The following PRPF39 variants were observed in gnomAD, a reference collection of about 807,000 sequenced individuals.
PRPF39 encodes pre-mRNA-processing factor 39.
Under a neutral mutation model 82.1 loss-of-function variants are expected in PRPF39, and 27 were observed. The ratio of observed to expected loss-of-function variants is 0.33; its 90% CI spans 0.24 to 0.45. The LOEUF is 0.45. PRPF39 is among the 20% of genes least tolerant of loss of function. The probability of loss-of-function intolerance (pLI) is 1.00; values close to 1 mark genes in which losing one functional copy is unlikely to be tolerated. For missense variants in PRPF39, 581 were observed against 796.9 expected, an observed-to-expected ratio of 0.73 and a Z score of 3.26; for synonymous variants, 261 against 256.4, an observed-to-expected ratio of 1.02 and a Z score of -0.17.
intron 5 of PRPF39, among the ~76,000 whole-genome samples, chr14:45,103,182 T>G (rs1455052143): frequency 6.6e-6 from 1 of 152,154 alleles, no homozygotes; most frequent in East Asian, 1.9e-4. Context: ...TTTCAAACAC[T>G]CAGGTATCAT....
At chr14:45,091,075 A>G (rs983059389) in intron 1 of PRPF39, among the ~76,000 whole-genome samples, 4 of 151,566 alleles carry the variant, frequency 2.6e-5, no homozygotes, top group African/African-American at 9.7e-5. Flanking sequence ...CTTGTTTTTA[A>G]TAGAATCTTG....
chr14:45,097,701 A>G (rs1594728240), intron 4 of PRPF39, among the ~76,000 whole-genome samples: 1 of 152,088 alleles, frequency 6.6e-6, no homozygotes, highest in East Asian at 1.9e-4. Context: ...CCATGTTCTC[A>G]TATGCTTATA....
Position 45,114,842 on chromosome 14 carries a change from A to C in PRPF39, c.1954-15A>C. Reference sequence around the variant, plus strand: ...ACAGTTCTAATATGCTAACATACTTACTTTTTCCTTTCAGTACAATTATCA... The same window carrying C: ...ACAGTTCTAATATGCTAACATACTTCCTTTTTCCTTTCAGTACAATTATCA... On this transcript the variant is annotated splice_polypyrimidine_tract_variant and intron_variant, in intron 13 of 13. Coordinates refer to ENST00000355765, the MANE Select transcript of PRPF39 (RefSeq NM_017922.4). 6.3e-7 allele frequency: 1 copy of C among 1,578,442 alleles called. No individual in the cohort carries two copies. Among genetic ancestry groups the C allele is most frequent in the Non-Finnish European group, 8.7e-7 (1 of 1,148,342 alleles).
At position 45,115,643 on chromosome 14, in the gene PRPF39, A is replaced by T. The variant is rs1270515330; in HGVS notation, c.*730A>T. ...TTTGGGGGGATCAATTAGTAATATT[A>T]ACCTTATGTTCACCTTTATTAGTGG... is the stretch of plus-strand genomic sequence containing the variant. On this transcript the variant is annotated 3_prime_UTR_variant, in exon 14 of 14. Transcript: ENST00000355765. 6.6e-6 allele frequency: 1 copy of T among 152,636 alleles called. No individual in the cohort carries two copies. Among genetic ancestry groups the T allele is most frequent in the Non-Finnish European group, 1.5e-5 (1 of 68,058 alleles). 9.5% of individuals were successfully genotyped at this position (152,636 alleles called of 1,614,324 possible).
At chr14:45,097,474 A>G (rs956907879) in intron 4 of PRPF39, among the ~76,000 whole-genome samples, 2 of 152,182 alleles carry the variant, frequency 1.3e-5, no homozygotes, top group African/African-American at 4.8e-5. Context: ...TGTACAAGTC[A>G]ATATTTTTTG....
chr14:45,087,889 A>G (rs1221542008), intron 1 of PRPF39, among the ~76,000 whole-genome samples: 1 of 151,970 alleles, frequency 6.6e-6, no homozygotes, highest in Non-Finnish European at 1.5e-5. Context: ...GCCCGGCCTC[A>G]TAAGTGTTCT....
Position 45,110,364 on chromosome 14 carries a change from C to A in PRPF39, c.1303+144C>A. On this transcript the variant is annotated intron_variant, in intron 9 of 13. Coordinates refer to ENST00000355765, the MANE Select transcript of PRPF39 (RefSeq NM_017922.4). This position sits in a 1 kb window ranked among gnomAD's most constrained non-coding sequence, Gnocchi z 4.0. Reference sequence around the variant, plus strand: ...GGCCAGATAGTAAAAGCCACGTGTTCTGACTTTCAGGCTTTGTAAGCCATT... The same window carrying A: ...GGCCAGATAGTAAAAGCCACGTGTTATGACTTTCAGGCTTTGTAAGCCATT... The A allele has an allele frequency of 7.6e-7, 1 of 1,317,044 alleles. No homozygotes were observed. Among genetic ancestry groups the A allele is most frequent in the Non-Finnish European group, 1.0e-6 (1 of 973,322 alleles). The allele number at this position is 1,317,044 out of a possible 1,614,324, so 81.6% of individuals were successfully genotyped here.
At chr14:45,111,062 T>C (rs1253751673) in intron 10 of PRPF39, 2 of 444,956 alleles carry the variant, frequency 4.5e-6, no homozygotes, top group African/African-American at 3.9e-5. Flanking sequence ...TACTTTATAT[T>C]TTCCCTTTAG....
rs1171607453 is a variant in PRPF39 at position 45,095,215 on chromosome 14, C to T, written c.-19-6C>T. 1.3e-6 allele frequency: 2 copies of T among 1,507,036 alleles called. No individual in the cohort carries two copies. Among genetic ancestry groups the T allele is most frequent in the Non-Finnish European group, 1.8e-6 (2 of 1,107,200 alleles). 93.4% of individuals were successfully genotyped at this position (1,507,036 alleles called of 1,614,324 possible). A position where few individuals can be genotyped will look rare whatever the true frequency, so the allele number is the denominator to read the frequency against. ...AGATATTTCTCTTTTTTTCGTGTTT[C>T]CACAGATCGTTAACTGAAGACAATA... On this transcript the variant is annotated splice_region_variant and splice_polypyrimidine_tract_variant and intron_variant, in intron 1 of 13. Transcript: ENST00000355765.
At chr14:45,089,900 C>T (rs1883966888) in intron 1 of PRPF39, among the ~76,000 whole-genome samples, 1 of 152,156 alleles carries the variant, frequency 6.6e-6, no homozygotes, top group Non-Finnish European at 1.5e-5. Flanking sequence ...TCAAAATGAT[C>T]TCTATAAGCA....
At chr14:45,111,415 A>G (rs1594736973) in intron 10 of PRPF39, among the ~76,000 whole-genome samples, 1 of 151,708 alleles carries the variant, frequency 6.6e-6, no homozygotes, top group Non-Finnish European at 1.5e-5. Context: ...GCTCACTTCA[A>G]CCTCTGCCTC....
intron 5 of PRPF39, among the ~76,000 whole-genome samples, chr14:45,105,747 A>G (rs1043920614): frequency 1.3e-5 from 2 of 151,816 alleles, no homozygotes; most frequent in African/African-American, 4.8e-5. Flanking sequence ...GCTGGTCTCA[A>G]ACTCCTGACC....
chr14:45,114,739 AG>A, intron 13 of PRPF39, 117 bp from the exon 14 acceptor site: 1 of 1,396,682 alleles, frequency 7.2e-7, no homozygotes, highest in Non-Finnish European at 9.8e-7. Flanking sequence ...GTTAAGTACT[AG>A]AATTTTAGCA....
At position 45,109,765 on chromosome 14, in the gene PRPF39, G is replaced by A. The variant is rs562635632; in HGVS notation, c.1161G>A (p.Glu387=). Residue 387 remains glutamate (E), a synonymous_variant, in exon 8 of 14, where the codon GAG becomes GAA. Transcript: ENST00000355765. ...GTGTCATATCATGTGCCCTCTATGA[G>A]GAGTTTTGGATTAAGGTAAGAAAAT... The part of the protein sequence containing the change: ...ERCVISCALY[E]EFWIKYAKYM... 2 of 1,602,934 alleles carry A rather than the reference G, an allele frequency of 1.2e-6. No homozygotes were observed. Among genetic ancestry groups the A allele is most frequent in the Non-Finnish European group, 1.7e-6 (2 of 1,174,774 alleles).
chr14:45,110,432 C>A lies in PRPF39; in HGVS notation c.1304-117C>A. The A allele has an allele frequency of 8.1e-7, 1 of 1,237,568 alleles. No individual in the cohort carries two copies. The highest frequency in any genetic ancestry group is 1.1e-6 in the Non-Finnish European group (1 of 898,586). 76.7% of individuals were successfully genotyped at this position (1,237,568 alleles called of 1,614,324 possible). On this transcript the variant is annotated intron_variant, in intron 9 of 13. Transcript: ENST00000355765. The surrounding 1 kb of genome is among the most constrained non-coding windows in gnomAD (Gnocchi z 4.0). ...ATAGGCAGTGTGTAAATATGCATGG[C>A]TGTTTCCCATTATTAGTTGCTGGAT...
Position 45,108,410 on chromosome 14 carries a change from C to A in PRPF39, c.904-5C>A. On this transcript the variant is annotated splice_region_variant and splice_polypyrimidine_tract_variant and intron_variant, in intron 6 of 13. Transcript: ENST00000355765. ...GATTTATTTTTTTCCCTTTTTCTTC[C>A]CAAGCTAATTACAGAAATAGAAAAC... 6.4e-7 allele frequency: 1 copy of A among 1,559,924 alleles called. No individual in the cohort carries two copies. Among genetic ancestry groups the A allele is most frequent in the Non-Finnish European group, 8.6e-7 (1 of 1,161,376 alleles).
intron 5 of PRPF39, among the ~76,000 whole-genome samples, chr14:45,104,678 T>C (rs924456815): frequency 6.6e-6 from 1 of 152,206 alleles, no homozygotes; most frequent in South Asian, 2.1e-4. Flanking sequence ...TACCATTGGA[T>C]GTACCCTGCA....
intron 5 of PRPF39, among the ~76,000 whole-genome samples, chr14:45,106,610 T>C (rs1884541324): frequency 6.6e-6 from 1 of 152,236 alleles, no homozygotes; most frequent in African/African-American, 2.4e-5. Context: ...CATTTCTTTG[T>C]GCAGAGTATT....
intron 4 of PRPF39, among the ~76,000 whole-genome samples, chr14:45,098,457 A>T (rs1566693641): frequency 6.6e-6 from 1 of 151,266 alleles, no homozygotes; most frequent in African/African-American, 2.4e-5. Context: ...AAAAAAAAAA[A>T]AAAAAGAGAG....
Sources: gnomAD v4.1 joint callset for allele counts (sites outside exome capture counted in the v4.1 genomes callset) on GRCh38, gnomAD v4.1.1 for gene constraint, Gnocchi (gnomAD v3.1) non-coding constraint, MANE v1.5 for transcripts, NCBI Gene and HGNC (gene_info 2026-07-23, HGNC 2026-07-21) for gene names.